The following ACCSL variants were observed in gnomAD, a reference collection of about 807,000 sequenced individuals.
The protein encoded by ACCSL is probable inactive 1-aminocyclopropane-1-carboxylate synthase-like protein 2.
In ACCSL, 55 loss-of-function variants were observed where a neutral mutation model predicts 61.7. The observed-to-expected ratio is 0.89, with a 90% CI of 0.72 to 1.12. The LOEUF is 1.12. Ranked by LOEUF, ACCSL falls within the 50% of genes most tolerant of loss-of-function variation. The probability of loss-of-function intolerance (pLI) is 0.00; values close to 1 mark genes in which losing one functional copy is unlikely to be tolerated. For synonymous variants in ACCSL, 258 were observed against 264.3 expected (o/e 0.98, Z 0.23); for missense variants, 632 against 698.0 (o/e 0.91, Z 1.07).
the ACCSL span, among the ~76,000 whole-genome samples, chr11:43,976,789 C>T: frequency 3.3e-5 from 5 of 152,184 alleles, no homozygotes; most frequent in Non-Finnish European, 5.9e-5. Context: ...CACCAGACTA[C>T]AAGAAAGGCT....
chr11:43,930,105 C>T, the ACCSL span, among the ~76,000 whole-genome samples: 1 of 152,300 alleles, frequency 6.6e-6, no homozygotes, highest in African/African-American at 2.4e-5. Flanking sequence ...CAGTCAGAGG[C>T]AGGGCCGGAT....
At chr11:43,981,494 G>A in the ACCSL span, among the ~76,000 whole-genome samples, 2 of 152,206 alleles carry the variant, frequency 1.3e-5, no homozygotes, top group African/African-American at 4.8e-5. Flanking sequence ...AAAAAAGGGT[G>A]GGGGATATTT....
the ACCSL span, chr11:43,921,274 C>T: frequency 3.3e-5 from 5 of 152,190 alleles, no homozygotes; most frequent in African/African-American, 1.2e-4. Flanking sequence ...TGCTCTGACT[C>T]GGCACTCAGA....
At chr11:43,964,520 C>A in the ACCSL span, among the ~76,000 whole-genome samples, 4 of 151,440 alleles carry the variant, frequency 2.6e-5, no homozygotes, top group Non-Finnish European at 2.9e-5. Flanking sequence ...ATGATTTCCA[C>A]CAAACATTTT....
chr11:44,028,958 T>C, the ACCSL span, among the ~76,000 whole-genome samples: 2 of 152,310 alleles, frequency 1.3e-5, no homozygotes, highest in Admixed American at 6.5e-5. Context: ...GGCTGGGGTG[T>C]GGTGATCCTG....
chr11:43,973,341 T>C, the ACCSL span, among the ~76,000 whole-genome samples: 3 of 152,212 alleles, frequency 2.0e-5, no homozygotes, highest in Non-Finnish European at 4.4e-5. Context: ...GAGTGTTCTA[T>C]TTATGGATTC....
At chr11:43,948,221 G>A in the ACCSL span, among the ~76,000 whole-genome samples, 2 of 152,204 alleles carry the variant, frequency 1.3e-5, no homozygotes, top group Admixed American at 1.3e-4. Context: ...CCAGGGAATT[G>A]AGGTCAGCTA....
the ACCSL span, among the ~76,000 whole-genome samples, chr11:44,013,124 T>C: frequency 6.6e-6 from 1 of 152,170 alleles, no homozygotes. Context: ...TAGGTCTATA[T>C]ATGCATATAA....
At chr11:44,059,260 AC>A (rs1342142082) in intron 13 of ACCSL, among the ~76,000 whole-genome samples, 1 of 152,050 alleles carries the variant, frequency 6.6e-6, no homozygotes, top group East Asian at 1.9e-4. Flanking sequence ...AAACAAACAA[AC>A]AAAACCCGAA....
At chr11:44,053,155 A>G in intron 7 of ACCSL, 87 bp downstream of exon 7, 1 of 1,240,574 alleles carries the variant, frequency 8.1e-7, no homozygotes, top group African/African-American at 1.5e-5. Flanking sequence ...CTTATTCACC[A>G]AGACCTGGTG....
At chr11:44,049,162 G>A (rs969895265) in intron 1 of ACCSL, among the ~76,000 whole-genome samples, 2 of 152,096 alleles carry the variant, frequency 1.3e-5, no homozygotes, top group African/African-American at 4.8e-5. Context: ...GCTCATGCCT[G>A]TAATCCCAGC....
At chr11:44,059,745 C>A in intron 13 of ACCSL, 93 bp from the exon 14 acceptor site, 1 of 1,011,736 alleles carries the variant, frequency 9.9e-7, no homozygotes, top group Non-Finnish European at 1.5e-6. Context: ...GAATGAGAGG[C>A]TTTTATGGTT....
At chr11:43,932,880 C>G in the ACCSL span, among the ~76,000 whole-genome samples, 3 of 152,228 alleles carry the variant, frequency 2.0e-5, no homozygotes, top group Admixed American at 6.5e-5. Context: ...ATAGCCACCC[C>G]CTTTGTCACC....
chr11:43,937,987 A>G, the ACCSL span, among the ~76,000 whole-genome samples: 1 of 152,144 alleles, frequency 6.6e-6, no homozygotes, highest in Admixed American at 6.5e-5. Flanking sequence ...TGAGGGGAAA[A>G]ACACAGAAGT....
chr11:43,982,546 C>T, the ACCSL span, among the ~76,000 whole-genome samples: 3 of 152,106 alleles, frequency 2.0e-5, no homozygotes, highest in Non-Finnish European at 2.9e-5. Flanking sequence ...CACAACACGT[C>T]CCCACTTTAC....
At chr11:43,978,719 C>G in the ACCSL span, among the ~76,000 whole-genome samples, 1 of 147,752 alleles carries the variant, frequency 6.8e-6, no homozygotes, top group African/African-American at 2.5e-5. Flanking sequence ...GATGGAACAT[C>G]TCATCTGCTT....
At chr11:43,936,861 T>C in the ACCSL span, among the ~76,000 whole-genome samples, 1 of 151,928 alleles carries the variant, frequency 6.6e-6, no homozygotes, top group African/African-American at 2.4e-5. Context: ...CGGTCCTCCA[T>C]GGGAGGTTCA....
At chr11:44,047,146 C>A (rs1264513544), upstream of ACCSL, among the ~76,000 whole-genome samples, 1 of 152,228 alleles carries the variant, frequency 6.6e-6, no homozygotes. Flanking sequence ...GTCTCACCAT[C>A]TGTTTCCTAC....
chr11:43,983,587 G>A, the ACCSL span, among the ~76,000 whole-genome samples: 1 of 152,006 alleles, frequency 6.6e-6, no homozygotes, highest in African/African-American at 2.4e-5. Context: ...TGAACAGATC[G>A]AGGTATTACA....
Sources: allele counts gnomAD v4.1 joint callset (sites outside exome capture counted in the v4.1 genomes callset), GRCh38; gene constraint gnomAD v4.1.1; transcripts MANE v1.5; gene names NCBI Gene and HGNC (gene_info 2026-07-23, HGNC 2026-07-21).